SLC16A10: variants seen among roughly 807,000 people sequenced by gnomAD.
The protein encoded by SLC16A10 is monocarboxylate transporter 10.
A neutral mutation model predicts 40.0 loss-of-function variants in SLC16A10; 27 were observed. The observed-to-expected ratio is 0.67, with a 90% confidence interval of 0.50 to 0.93. The LOEUF (loss-of-function observed/expected upper bound fraction) is 0.93. Among genes scored for constraint, SLC16A10 ranks in the 40% least tolerant of loss-of-function variants. The pLI, the probability that SLC16A10 is intolerant of heterozygous loss-of-function variation, is 0.00. For missense variants in SLC16A10, 529 were observed against 658.2 expected (o/e 0.80, Z 2.15); for synonymous variants, 213 against 249.8 (o/e 0.85, Z 1.39).
chr6:111,208,440 T>A (rs1261774681), intron 4 of SLC16A10, among the ~76,000 whole-genome samples: 1 of 152,158 alleles, frequency 6.6e-6, no homozygotes, highest in African/African-American at 2.4e-5. Flanking sequence ...TATCCAGGCA[T>A]GGTGGCACAT....
intron 3 of SLC16A10, among the ~76,000 whole-genome samples, chr6:111,199,377 T>C (rs1773130055): frequency 6.6e-6 from 1 of 151,484 alleles, no homozygotes; most frequent in South Asian, 2.1e-4. Context: ...GAGAATTGCT[T>C]GAATCCGGGA....
intron 1 of SLC16A10, among the ~76,000 whole-genome samples, chr6:111,088,354 C>G (rs1364194246): frequency 6.6e-6 from 1 of 152,232 alleles, no homozygotes; most frequent in African/African-American, 2.4e-5. Flanking sequence ...CGAGATCGTC[C>G]TCCTTTCCCC....
At chr6:111,164,597 TA>T (rs879618307) in intron 1 of SLC16A10, among the ~76,000 whole-genome samples, 126 of 148,494 alleles carry the variant, frequency 8.5e-4, no homozygotes, top group Non-Finnish European at 1.6e-3. Flanking sequence ...CCGTCTCTAC[TA>T]AAAAAAAAAT....
chr6:111,126,712 A>G (rs1230898641), intron 1 of SLC16A10, among the ~76,000 whole-genome samples: 1 of 152,156 alleles, frequency 6.6e-6, no homozygotes, highest in East Asian at 1.9e-4. Context: ...GGTTATTAAT[A>G]TATTACAAAT....
chr6:111,193,190 C>G, intron 3 of SLC16A10: 1 of 565,530 alleles, frequency 1.8e-6, no homozygotes, highest in South Asian at 7.8e-5. Context: ...GACACCTTCT[C>G]TCCTTCACTT....
chr6:111,154,243 A>G (rs753688380), intron 1 of SLC16A10, among the ~76,000 whole-genome samples: 4 of 152,252 alleles, frequency 2.6e-5, no homozygotes, highest in Admixed American at 6.5e-5. Context: ...TAACAGGATT[A>G]TATGTGCATT....
rs925280902 is a variant in SLC16A10 at position 111,176,565 on chromosome 6, T to C, written c.489-647T>C. On this transcript the variant is annotated intron_variant, in intron 2 of 5. Transcript: ENST00000368851. ...ACACTTAATTTAAGTCTTTCTGTAG[T>C]CAGAATATGATTTCTTGTTGTCTTG... Among the ~76,000 whole-genome samples the C allele has an allele frequency of 2.6e-5, 4 of 152,334 alleles. 1 individual carries two copies. The South Asian group carries it at 8.3e-4, about 32-fold the overall frequency.
chr6:111,185,105 T>C (rs992915520), intron 3 of SLC16A10, among the ~76,000 whole-genome samples: 3 of 152,124 alleles, frequency 2.0e-5, no homozygotes, highest in Non-Finnish European at 2.9e-5. Flanking sequence ...GTCAAGCACT[T>C]CCCCAAAATC....
At chr6:111,210,263 T>C (rs1773323610) in intron 4 of SLC16A10, among the ~76,000 whole-genome samples, 1 of 152,192 alleles carries the variant, frequency 6.6e-6, no homozygotes, top group African/African-American at 2.4e-5. Flanking sequence ...ACTGAGAGGC[T>C]ACCTCACTGT....
intron 1 of SLC16A10, among the ~76,000 whole-genome samples, chr6:111,103,812 T>C (rs1191447212): frequency 6.6e-6 from 1 of 152,112 alleles, no homozygotes; most frequent in African/African-American, 2.4e-5. Context: ...GAGGTGAGAG[T>C]GTAAGGCCTG....
chr6:111,205,198 G>A (rs1773234658), intron 3 of SLC16A10, among the ~76,000 whole-genome samples: 1 of 152,184 alleles, frequency 6.6e-6, no homozygotes. Context: ...AAGAGAAAAA[G>A]GAGATGGTGT....
chr6:111,200,432 A>G (rs987815748), intron 3 of SLC16A10, among the ~76,000 whole-genome samples: 1 of 152,164 alleles, frequency 6.6e-6, no homozygotes, highest in Non-Finnish European at 1.5e-5. Context: ...TATGTACTCA[A>G]GTCTATGGAG....
chr6:111,114,441 AG>A (rs1771449069), intron 1 of SLC16A10, among the ~76,000 whole-genome samples: 2 of 152,248 alleles, frequency 1.3e-5, no homozygotes, highest in Middle Eastern at 3.2e-3. Context: ...ACACTGAGAA[AG>A]GGGGAAAATT....
chr6:111,088,099 A>G lies in SLC16A10; in HGVS notation c.343+4A>G. 6.3e-7 allele frequency: 1 copy of G among 1,593,078 alleles called. No homozygotes were observed. The highest frequency in any genetic ancestry group is 8.5e-7 in the Non-Finnish European group (1 of 1,171,520). ...GACAAGATGGTCTTTAAGACAGGTG[A>G]GGCGCGGCGCCCGCCGAGGCCAGCC... On this transcript the variant is annotated splice_donor_region_variant and intron_variant, in intron 1 of 5. Coordinates refer to ENST00000368851, the MANE Select transcript of SLC16A10 (RefSeq NM_018593.5).
Position 111,222,523 on chromosome 6 carries a change from A to G in SLC16A10, c.*288A>G, listed in dbSNP as rs1322989829. 1 of 316,934 alleles carries G rather than the reference A, an allele frequency of 3.2e-6. No individual in the cohort carries two copies. Among genetic ancestry groups the G allele is most frequent in the Non-Finnish European group, 5.7e-6 (1 of 174,472 alleles). 19.6% of individuals were successfully genotyped at this position (316,934 alleles called of 1,614,324 possible). On this transcript the variant is annotated 3_prime_UTR_variant, in exon 6 of 6. Transcript: ENST00000368851. The stretch of plus-strand genomic sequence containing the variant: ...TAAAAAGCAGCTTTGGAAACTGTGA[A>G]TGATCTTTAGCTTGTACAAATGTTT...
At chr6:111,125,694 A>G (rs954103130) in intron 1 of SLC16A10, among the ~76,000 whole-genome samples, 2 of 152,180 alleles carry the variant, frequency 1.3e-5, no homozygotes, top group Non-Finnish European at 2.9e-5. Flanking sequence ...GTTTGTTATT[A>G]GGATTCCTTT....
At chr6:111,089,104 C>A (rs1331547723) in intron 1 of SLC16A10, among the ~76,000 whole-genome samples, 1 of 150,694 alleles carries the variant, frequency 6.6e-6, no homozygotes, top group Admixed American at 6.6e-5. Flanking sequence ...GATTAATAGT[C>A]TTTTTTTTTA....
intron 1 of SLC16A10, among the ~76,000 whole-genome samples, chr6:111,137,591 A>C (rs1214726490): frequency 6.6e-6 from 1 of 152,242 alleles, no homozygotes; most frequent in African/African-American, 2.4e-5. Flanking sequence ...CCGGCCTGCT[A>C]GTCCATGCTT....
At chr6:111,127,447 T>C (rs1771695626) in intron 1 of SLC16A10, among the ~76,000 whole-genome samples, 1 of 152,104 alleles carries the variant, frequency 6.6e-6, no homozygotes, top group South Asian at 2.1e-4. Flanking sequence ...CTGGATTGTG[T>C]AGGGTTTGTA....
Sources: allele counts gnomAD v4.1 joint callset (sites outside exome capture counted in the v4.1 genomes callset), GRCh38; gene constraint gnomAD v4.1.1; transcripts MANE v1.5; gene names NCBI Gene and HGNC (gene_info 2026-07-23, HGNC 2026-07-21).